AVL9: variants seen among roughly 807,000 people sequenced by gnomAD.
AVL9 encodes late secretory pathway protein AVL9 homolog.
Under a neutral mutation model 79.2 loss-of-function variants are expected in AVL9, and 49 were observed. The observed-to-expected ratio is 0.62, with a 90% CI of 0.49 to 0.79. The LOEUF (loss-of-function observed/expected upper bound fraction) is 0.79, where lower values mean the gene tolerates loss of function less well. AVL9 is among the 30% of genes least tolerant of loss of function. The probability of loss-of-function intolerance (pLI) is 0.00; values close to 1 mark genes in which losing one functional copy is unlikely to be tolerated. For missense variants in AVL9, 682 were observed against 776.8 expected, an observed-to-expected ratio of 0.88 and a Z score of 1.45; for synonymous variants, 299 against 280.6, an observed-to-expected ratio of 1.07 and a Z score of -0.65.
At chr7:32,578,100 C>G (rs951357403) in intron 13 of AVL9, among the ~76,000 whole-genome samples, 4 of 152,032 alleles carry the variant, frequency 2.6e-5, no homozygotes, top group African/African-American at 9.7e-5. Context: ...GGAGCATGGC[C>G]AAAAACAGGT....
At chr7:32,508,081 C>T (rs1787490364) in intron 1 of AVL9, among the ~76,000 whole-genome samples, 1 of 152,046 alleles carries the variant, frequency 6.6e-6, no homozygotes, top group African/African-American at 2.4e-5. Flanking sequence ...ATTGTCTTTT[C>T]TTTATTTGTT....
intron 10 of AVL9, among the ~76,000 whole-genome samples, chr7:32,563,183 C>T (rs1790404922): frequency 6.6e-6 from 1 of 152,032 alleles, no homozygotes; most frequent in Non-Finnish European, 1.5e-5. Flanking sequence ...AGGTGCCCAT[C>T]ACTCTGCCTG....
chr7:32,514,686 T>A (rs1453930374), intron 1 of AVL9, among the ~76,000 whole-genome samples: 1 of 152,160 alleles, frequency 6.6e-6, no homozygotes, highest in African/African-American at 2.4e-5. Context: ...AAAGTCCTTT[T>A]CCTGGCTCAT....
intron 12 of AVL9, among the ~76,000 whole-genome samples, chr7:32,575,693 G>A (rs968128944): frequency 4.6e-5 from 7 of 152,120 alleles, no homozygotes; most frequent in African/African-American, 1.4e-4. Context: ...AAGGAACCTT[G>A]GAAAATATCT....
At chr7:32,517,528 A>G (rs1381321342) in intron 1 of AVL9, among the ~76,000 whole-genome samples, 2 of 149,950 alleles carry the variant, frequency 1.3e-5, no homozygotes, top group South Asian at 2.1e-4. Flanking sequence ...CTGGTCTTGA[A>G]CTCCTGACCT....
At chr7:32,520,550 C>T (rs1788096753) in intron 1 of AVL9, among the ~76,000 whole-genome samples, 1 of 152,166 alleles carries the variant, frequency 6.6e-6, no homozygotes, top group Non-Finnish European at 1.5e-5. Context: ...AAGGAGACTT[C>T]CTAACTCTTC....
Position 32,558,559 on chromosome 7 carries a change from G to T in AVL9, c.610G>T (p.Val204Phe). 1 of 1,607,284 alleles carries T rather than the reference G, an allele frequency of 6.2e-7. No homozygotes were observed. Among genetic ancestry groups the T allele is most frequent in the Non-Finnish European group, 8.5e-7 (1 of 1,176,644 alleles). ...TTGATTTTGATTGACTCCATTCCAGGTTCTTTTTTATATTTCTCCAGTGAA... is the reference window on the plus strand; with the variant it reads ...TTGATTTTGATTGACTCCATTCCAGTTTCTTTTTTATATTTCTCCAGTGAA... Reference protein sequence around the residue: ...LFKLILLEKKVLFYISPVNKL... With the variant: ...LFKLILLEKKFLFYISPVNKL... Residue 204 changes from valine (V) to phenylalanine (F), a missense_variant and splice_region_variant, in exon 9 of 16, where the codon GTT becomes TTT. Val to Phe is a conservative substitution (Grantham distance 50, BLOSUM62 -1). Coordinates refer to ENST00000318709, the MANE Select transcript of AVL9 (RefSeq NM_015060.3).
intron 13 of AVL9, among the ~76,000 whole-genome samples, chr7:32,578,163 A>G (rs1217969768): frequency 6.6e-6 from 1 of 152,200 alleles, no homozygotes; most frequent in Non-Finnish European, 1.5e-5. Flanking sequence ...AGGGAGAAGA[A>G]AGGAGGCCTG....
In AVL9 at chr7:32,495,812, G is replaced by A; in HGVS notation, c.93+10G>A. 2 of 1,255,740 alleles carry A rather than the reference G, an allele frequency of 1.6e-6. No homozygotes were observed. Among genetic ancestry groups the A allele is most frequent in the Non-Finnish European group, 2.0e-6 (2 of 990,770 alleles). 77.8% of individuals were successfully genotyped at this position (1,255,740 alleles called of 1,614,324 possible). ...CAAGAAGGGCTGCCAGGTGAGGAAA[G>A]GGCCCGCCCCCGCCCCCAGCCGTTC... is the stretch of plus-strand genomic sequence containing the variant. On this transcript the variant is annotated intron_variant, in intron 1 of 15. Coordinates refer to ENST00000318709, the MANE Select transcript of AVL9 (RefSeq NM_015060.3).
chr7:32,506,700 C>T (rs1335690040), intron 1 of AVL9, among the ~76,000 whole-genome samples: 2 of 151,552 alleles, frequency 1.3e-5, no homozygotes, highest in Non-Finnish European at 2.9e-5. Context: ...TTACCTGAGG[C>T]CACAAGTTTG....
chr7:32,568,183 C>T (rs766244754), intron 10 of AVL9, among the ~76,000 whole-genome samples: 5 of 150,318 alleles, frequency 3.3e-5, no homozygotes, highest in Non-Finnish European at 7.4e-5. Flanking sequence ...CTTTTTTTTA[C>T]ATCATATTCT....
intron 3 of AVL9, among the ~76,000 whole-genome samples, chr7:32,546,598 G>A (rs537147202): frequency 1.7e-4 from 26 of 152,178 alleles, no homozygotes; most frequent in Non-Finnish European, 2.1e-4. Flanking sequence ...CAAGGCGGGC[G>A]GATCACGAAG....
intron 3 of AVL9, among the ~76,000 whole-genome samples, chr7:32,545,364 C>CTTT (rs10610945): frequency 0.12 from 8,687 of 73,116 alleles, 1,376 homozygotes; most frequent in Admixed American, 0.2. Context: ...TCTAAGATTT[C>CTTT]TTTTTTTTTT....
chr7:32,519,058 CTATGAT>C (rs1418128260), intron 1 of AVL9, among the ~76,000 whole-genome samples: 1 of 152,144 alleles, frequency 6.6e-6, no homozygotes, highest in Non-Finnish European at 1.5e-5. Flanking sequence ...TCTGTTATAT[CTATGAT>C]TATATGTGCC....
intron 1 of AVL9, among the ~76,000 whole-genome samples, chr7:32,524,731 G>T (rs1562764581): frequency 6.6e-6 from 1 of 152,218 alleles, no homozygotes; most frequent in Non-Finnish European, 1.5e-5. Flanking sequence ...TGCAGTGCTA[G>T]TTGGGACAAA....
chr7:32,541,237 T>C (rs1165964469), intron 1 of AVL9, among the ~76,000 whole-genome samples: 3 of 152,176 alleles, frequency 2.0e-5, no homozygotes, highest in Middle Eastern at 6.8e-3. Context: ...TATTAAACTT[T>C]TTGGACCCTA....
intron 1 of AVL9, among the ~76,000 whole-genome samples, chr7:32,499,711 G>A (rs866185458): frequency 6.6e-6 from 1 of 151,984 alleles, no homozygotes. Flanking sequence ...AGCCCCATAT[G>A]CATTAGGTAT....
In AVL9 at chr7:32,566,477, A is replaced by G. The variant is rs568203199; in HGVS notation, c.1216-3543A>G. 5.2e-4 allele frequency among the ~76,000 whole-genome samples: 79 copies of G among 150,792 alleles called. 1 individual carries two copies. The East Asian group carries it at 0.014, about 26-fold the overall frequency. On this transcript the variant is annotated intron_variant, in intron 10 of 15. Coordinates refer to ENST00000318709, the MANE Select transcript of AVL9 (RefSeq NM_015060.3). ...AGCCACCATGCCCAGCCAAAATAATAATGTTTAAGGCTAGTCAAATGAAGC... is the reference window on the plus strand; with the variant it reads ...AGCCACCATGCCCAGCCAAAATAATGATGTTTAAGGCTAGTCAAATGAAGC...
At chr7:32,571,191 C>G (rs937327648) in intron 11 of AVL9, among the ~76,000 whole-genome samples, 1 of 144,200 alleles carries the variant, frequency 6.9e-6, no homozygotes, top group Non-Finnish European at 1.5e-5. Context: ...AAGATTGCAC[C>G]ACTGCACTCC....
Sources: gnomAD v4.1 joint callset for allele counts (sites outside exome capture counted in the v4.1 genomes callset) on GRCh38, gnomAD v4.1.1 for gene constraint, MANE v1.5 for transcripts, NCBI Gene and HGNC (gene_info 2026-07-23, HGNC 2026-07-21) for gene names.